Variants in ZBTB7A observed in about 807,000 individuals in gnomAD.
The protein encoded by ZBTB7A is zinc finger and BTB domain-containing protein 7A.
A neutral mutation model predicts 26.7 loss-of-function variants in ZBTB7A; 7 were observed. That is an observed-to-expected ratio of 0.26 (90% CI 0.15 to 0.49). The LOEUF is 0.49. Ranked by LOEUF, ZBTB7A falls within the 20% of genes least tolerant of loss-of-function variation. The probability of loss-of-function intolerance (pLI) is 0.98; values close to 1 mark genes in which losing one functional copy is unlikely to be tolerated. For synonymous variants in ZBTB7A, 452 were observed against 441.0 expected, an observed-to-expected ratio of 1.02 and a Z score of -0.31; for missense variants, 617 against 919.5, an observed-to-expected ratio of 0.67 and a Z score of 4.25.
Position 4,055,224 on chromosome 19 carries a change from G to A in ZBTB7A, c.9C>T (p.Gly3=), listed in dbSNP as rs200936052. MA[G]GVDGPIGIPF... is the part of the protein sequence containing the mutation. ...GGATCCCGATGGGGCCGTCCACGCCGCCGGCCATCTTCCGCGCCGAGACCT... is the reference window on the plus strand; with the variant it reads ...GGATCCCGATGGGGCCGTCCACGCCACCGGCCATCTTCCGCGCCGAGACCT... The change falls in exon 2 of 3, where the codon GGC becomes GGT. Residue 3 remains glycine, a synonymous_variant. Coordinates refer to ENST00000322357, the MANE Select transcript of ZBTB7A (RefSeq NM_015898.4). 1.6e-4 allele frequency: 239 copies of A among 1,515,706 alleles called. No individual in the cohort carries two copies. Among genetic ancestry groups the A allele is most frequent in the Non-Finnish European group, 2.0e-4 (226 of 1,132,528 alleles). 93.9% of individuals were successfully genotyped at this position (1,515,706 alleles called of 1,614,324 possible).
At position 4,055,126 on chromosome 19, in the gene ZBTB7A, A is replaced by G. The variant is rs1440411457; in HGVS notation, c.107T>C (p.Val36Ala). The part of the protein sequence containing the change: ...EQRTQGLLCD[V>A]VILVEGREFP... The stretch of plus-strand genomic sequence containing the variant: ...CTCGCGGCCCTCCACCAGGATCACC[A>G]CGTCGCACAGCAGGCCCTGCGTCCG... Residue 36 changes from valine to alanine, a missense_variant, in exon 2 of 3, where the codon GTG (valine) becomes GCG (alanine). This residue lies in a region of ZBTB7A where 82 missense variants were observed against 195.2 expected (regional missense o/e 0.42). Transcript: ENST00000322357. 4 of 1,609,288 alleles carry G rather than the reference A, an allele frequency of 2.5e-6. No homozygotes were observed. In the African/African-American group the frequency reaches 4.0e-5, roughly 16 times the overall value.
At position 4,054,789 on chromosome 19, in the gene ZBTB7A, T is replaced by G; in HGVS notation, c.444A>C (p.Gln148His). Residue 148 changes from glutamine (Q) to histidine (H), a missense_variant, in exon 2 of 3, where the codon CAA (glutamine) becomes CAC (histidine). Transcript: ENST00000322357. ...CGCGGAGGAGGTTGCGCTGATCAAT[T>G]TGATCTACAAGGTCCAGCTGCCCGG... ...ADAGQLDLVD[Q>H]IDQRNLLRAK... 6.3e-7 allele frequency: 1 copy of G among 1,585,682 alleles called. No individual in the cohort carries two copies. The highest frequency in any genetic ancestry group is 1.1e-5 in the South Asian group (1 of 87,880).
intron 1 of ZBTB7A, among the ~76,000 whole-genome samples, chr19:4,063,829 A>G (rs1351557269): frequency 6.6e-6 from 1 of 151,464 alleles, no homozygotes; most frequent in East Asian, 1.9e-4. Context: ...CCTACGCTTC[A>G]GTCTCCCCTG....
rs2040431630 is a variant in ZBTB7A, at chr19:4,047,228, AC to A, written c.*523del. The A allele has an allele frequency of 6.6e-6, 1 of 151,998 alleles. No homozygotes were observed. Among genetic ancestry groups the A allele is most frequent in the South Asian group, 2.1e-4 (1 of 4,828 alleles). 9.4% of individuals were successfully genotyped at this position (151,998 alleles called of 1,614,324 possible). A position where few individuals can be genotyped will look rare whatever the true frequency, so the allele number is the denominator to read the frequency against. On this transcript the variant is annotated 3_prime_UTR_variant, in exon 3 of 3. Transcript: ENST00000322357. ...GAGGAAGGAGGGTGCGGGTCGGGGG[AC>A]GGGGGCCCATTTTAACGTCCGCTCA...
In ZBTB7A at chr19:4,049,164, GTGTGTATATATA is replaced by G. The variant is rs1319990157; in HGVS notation, c.1263-932_1263-921del. ...TTAAACTATATGTGTGTGTGTGTGT[GTGTGTATATATA>G]TATATATATATATATATATATATAT... On this transcript the variant is annotated intron_variant, in intron 2 of 2. Coordinates refer to ENST00000322357, the MANE Select transcript of ZBTB7A (RefSeq NM_015898.4). 8.9e-3 allele frequency among the ~76,000 whole-genome samples: 189 copies of G among 21,172 alleles called. 2 individuals are homozygous for G. Among genetic ancestry groups the G allele is most frequent in the Non-Finnish European group, 0.017 (131 of 7,930 alleles). 13.9% of individuals were successfully genotyped at this position (21,172 alleles called of 152,430 possible). A position where few individuals can be genotyped will look rare whatever the true frequency, so the allele number is the denominator to read the frequency against.
At position 4,048,287 on chromosome 19, in the gene ZBTB7A, G is replaced by T; in HGVS notation, c.1263-43C>A. ...GGCGGGCACGGTCAGTGGGGCCGGG[G>T]ACCCCCGATCCCCGCCCAGGGACCC... On this transcript the variant is annotated intron_variant, in intron 2 of 2. Transcript: ENST00000322357. The surrounding 1 kb of genome is among the most constrained non-coding windows in gnomAD (Gnocchi z 6.7). 6.6e-7 allele frequency: 1 copy of T among 1,524,458 alleles called. No individual in the cohort carries two copies. Among genetic ancestry groups the T allele is most frequent in the Non-Finnish European group, 8.7e-7 (1 of 1,145,536 alleles). 94.4% of individuals were successfully genotyped at this position (1,524,458 alleles called of 1,614,324 possible). A position where few individuals can be genotyped will look rare whatever the true frequency, so the allele number is the denominator to read the frequency against.
At chr19:4,055,560 C>A in intron 1 of ZBTB7A, 1 of 815,472 alleles carries the variant, frequency 1.2e-6, no homozygotes, top group Non-Finnish European at 1.5e-6. Context: ...CGGTGGCTCA[C>A]GCCTGTAATC....
At chr19:4,065,505 C>T (rs1202838184) in intron 1 of ZBTB7A, 1 of 146,380 alleles carries the variant, frequency 6.8e-6, no homozygotes, top group African/African-American at 2.5e-5. Context: ...GGCTGGCTCC[C>T]TCCGAGGGGC....
chr19:4,047,570 G>C lies in ZBTB7A; in HGVS notation c.*182C>G. 1.9e-6 allele frequency: 1 copy of C among 528,740 alleles called. No homozygotes were observed. 32.8% of individuals were successfully genotyped at this position (528,740 alleles called of 1,614,324 possible). On this transcript the variant is annotated 3_prime_UTR_variant, in exon 3 of 3. Coordinates refer to ENST00000322357, the MANE Select transcript of ZBTB7A (RefSeq NM_015898.4). ...AACGTCAGAAAGGAGGGAAATCTGA[G>C]AAAGCGCTACCCTAGATTCTGTGAC...
rs1260802263 is a variant in ZBTB7A at position 4,043,844 on chromosome 19, ACCC to A, written c.*3905_*3907del. 3.6e-3 allele frequency among the ~76,000 whole-genome samples: 172 copies of A among 47,652 alleles called. 3 individuals carry two copies. The highest frequency in any genetic ancestry group is 0.013 in the African/African-American group (158 of 11,886). The allele number at this position is 47,652 out of a possible 152,430, so 31.3% of individuals were successfully genotyped here. A position where few individuals can be genotyped will look rare whatever the true frequency, so the allele number is the denominator to read the frequency against. On this transcript the variant is annotated 3_prime_UTR_variant, in exon 3 of 3. Transcript: ENST00000322357. ...ACCCGTCCTGCGCCAGCCACCCACCACCCCCCCCCCCCCACCTCCAGGAAGGCT... is the reference window on the plus strand; with the variant it reads ...ACCCGTCCTGCGCCAGCCACCCACCACCCCCCCCCCACCTCCAGGAAGGCT...
At chr19:4,055,931 T>C (rs2040572771) in intron 1 of ZBTB7A, among the ~76,000 whole-genome samples, 1 of 152,162 alleles carries the variant, frequency 6.6e-6, no homozygotes, top group African/African-American at 2.4e-5. Context: ...CCAAGACTGT[T>C]TTCCATCTGT....
chr19:4,055,509 G>C (rs889546427), intron 1 of ZBTB7A: 1 of 984,050 alleles, frequency 1.0e-6, no homozygotes. Context: ...CTATCACCAT[G>C]TTGGCCAGGC....
At position 4,052,153 on chromosome 19, in the gene ZBTB7A, T is replaced by C. The variant is rs2040510495; in HGVS notation, c.1262+1818A>G. 6.6e-6 allele frequency among the ~76,000 whole-genome samples: 1 copy of C among 151,810 alleles called. No homozygotes were observed. The highest frequency in any genetic ancestry group is 2.4e-5 in the African/African-American group (1 of 41,270). ...TCTGACTGAGGGGATCAGCCCCGGGTCGGGTGGGATAGCCAGCAGTGCCCG... is the reference window on the plus strand; with the variant it reads ...TCTGACTGAGGGGATCAGCCCCGGGCCGGGTGGGATAGCCAGCAGTGCCCG... On this transcript the variant is annotated intron_variant, in intron 2 of 2. Coordinates refer to ENST00000322357, the MANE Select transcript of ZBTB7A (RefSeq NM_015898.4). The surrounding 1 kb of genome is among the most constrained non-coding windows in gnomAD (Gnocchi z 4.9).
In ZBTB7A at chr19:4,048,378, G is replaced by A. The variant is rs8101608; in HGVS notation, c.1263-134C>T. 2,367 of 1,264,694 alleles carry A rather than the reference G, an allele frequency of 1.9e-3. 35 individuals are homozygous for A. In the African/African-American group the frequency reaches 0.034, roughly 18 times the overall value. 78.3% of individuals were successfully genotyped at this position (1,264,694 alleles called of 1,614,324 possible). On this transcript the variant is annotated intron_variant, in intron 2 of 2. Transcript: ENST00000322357. The surrounding 1 kb of genome is among the most constrained non-coding windows in gnomAD (Gnocchi z 6.7). ...CACGGACCGTGCACCAGAGGTTTCG[G>A]TGCCCCGATGGGGACGGTCCCTCGA...
At position 4,047,673 on chromosome 19, in the gene ZBTB7A, T is replaced by C. The variant is rs958640816; in HGVS notation, c.*79A>G. ...TAGATAGATTTTCTTTTTTTGTGTT[T>C]TTGGGGGGGTGGTGGGTGATTTTTT... is the stretch of plus-strand genomic sequence containing the variant. On this transcript the variant is annotated 3_prime_UTR_variant, in exon 3 of 3. Transcript: ENST00000322357. The C allele has an allele frequency of 2.0e-6, 3 of 1,497,942 alleles. No homozygotes were observed. Among genetic ancestry groups the C allele is most frequent in the Non-Finnish European group, 2.7e-6 (3 of 1,119,064 alleles). The allele number at this position is 1,497,942 out of a possible 1,614,324, so 92.8% of individuals were successfully genotyped here.
intron 1 of ZBTB7A, among the ~76,000 whole-genome samples, chr19:4,059,962 T>C (rs2040622238): frequency 6.6e-6 from 1 of 151,152 alleles, no homozygotes; most frequent in Non-Finnish European, 1.5e-5. Context: ...GCGGTTTCGT[T>C]CCCCTCCTCC....
At chr19:4,061,026 C>G (rs1285246019) in intron 1 of ZBTB7A, among the ~76,000 whole-genome samples, 1 of 152,216 alleles carries the variant, frequency 6.6e-6, no homozygotes, top group East Asian at 1.9e-4. Context: ...GAGCCTCTGT[C>G]TCCTGGGGGA....
intron 2 of ZBTB7A, among the ~76,000 whole-genome samples, chr19:4,053,560 CGT>C (rs142922711): frequency 0.019 from 2,652 of 141,910 alleles, 38 homozygotes; most frequent in Middle Eastern, 0.046. Context: ...ATGTGGTGTG[CGT>C]GTGTGTGCGC....
In ZBTB7A at chr19:4,044,051, G is replaced by A. The variant is rs10403277; in HGVS notation, c.*3701C>T. 0.022 allele frequency among the ~76,000 whole-genome samples: 3,303 copies of A among 151,654 alleles called. 126 individuals are homozygous for A. The highest frequency in any genetic ancestry group is 0.077 in the African/African-American group (3,191 of 41,336). On this transcript the variant is annotated 3_prime_UTR_variant, in exon 3 of 3. Transcript: ENST00000322357. ...GTTGCCGGGCGGGAGGGGGCACCCCGAGGCCCCTGCCTCAGTGTCACCACC... is the reference window on the plus strand; with the variant it reads ...GTTGCCGGGCGGGAGGGGGCACCCCAAGGCCCCTGCCTCAGTGTCACCACC...
Sources: gnomAD v4.1 joint callset for allele counts (sites outside exome capture counted in the v4.1 genomes callset) on GRCh38, gnomAD v4.1.1 for gene constraint, gnomAD v4.1.1 regional missense constraint, Gnocchi (gnomAD v3.1) non-coding constraint, MANE v1.5 for transcripts, NCBI Gene and HGNC (gene_info 2026-07-23, HGNC 2026-07-21) for gene names.